SIK3: variants seen among roughly 807,000 people sequenced by gnomAD.
SIK3 encodes SIK family kinase 3.
A neutral mutation model predicts 144.2 loss-of-function variants in SIK3; 28 were observed. That is an observed-to-expected ratio of 0.19 (90% CI 0.14 to 0.27). SIK3 has a LOEUF of 0.27. Ranked by LOEUF, SIK3 falls within the 10% of genes least tolerant of loss-of-function variation. SIK3 has a pLI of 1.00. For missense variants in SIK3, 1,319 were observed against 1,776.0 expected (o/e 0.74, Z 4.62); for synonymous variants, 686 against 676.3 (o/e 1.01, Z -0.22).
chr11:116,961,408 G>A (rs960153640), intron 1 of SIK3, among the ~76,000 whole-genome samples: 8 of 152,194 alleles, frequency 5.3e-5, no homozygotes, highest in African/African-American at 1.9e-4. Context: ...AGGTATGATT[G>A]TTTTGAGAAT....
At chr11:116,906,010 A>C (rs914508540) in intron 4 of SIK3, among the ~76,000 whole-genome samples, 1 of 152,174 alleles carries the variant, frequency 6.6e-6, no homozygotes, top group Admixed American at 6.5e-5. Flanking sequence ...TTTTGGTGTG[A>C]ATATAAAGGT....
At chr11:117,087,899 A>G (rs1955083732) in intron 1 of SIK3, among the ~76,000 whole-genome samples, 1 of 152,194 alleles carries the variant, frequency 6.6e-6, no homozygotes, top group South Asian at 2.1e-4. Flanking sequence ...AAATTATAAA[A>G]AAGATTCAAA....
rs2134250129 is a variant in SIK3 at position 116,844,660 on chromosome 11, A to ATATATATTATAT, written c.*982_*983insATATAATATATA. 1 of 96,168 alleles carries ATATATATTATAT rather than the reference A, an allele frequency of 1.0e-5. No individual in the cohort carries two copies. Among genetic ancestry groups the ATATATATTATAT allele is most frequent in the Non-Finnish European group, 1.8e-5 (1 of 54,510 alleles). 6.0% of individuals were successfully genotyped at this position (96,168 alleles called of 1,614,324 possible). ...TTATATTATATATTATATATATAAT[A>ATATATATTATAT]TATATATACACATATATTATATTAT... On this transcript the variant is annotated 3_prime_UTR_variant, in exon 25 of 25. Transcript: ENST00000445177.
chr11:117,081,456 T>C (rs1954782618), intron 1 of SIK3, among the ~76,000 whole-genome samples: 1 of 152,166 alleles, frequency 6.6e-6, no homozygotes, highest in African/African-American at 2.4e-5. Context: ...ACCCCGTCTC[T>C]ACTAAAAATT....
At chr11:116,982,943 C>CAA (rs35698580) in intron 1 of SIK3, among the ~76,000 whole-genome samples, 1,203 of 69,786 alleles carry the variant, frequency 0.017, 135 homozygotes, top group African/African-American at 0.026. Flanking sequence ...GACTCCGTCT[C>CAA]AAAAAAAAAA....
At chr11:116,904,909 C>T (rs1189262985) in intron 4 of SIK3, 1 of 167,102 alleles carries the variant, frequency 6.0e-6, no homozygotes, top group Non-Finnish European at 1.5e-5. Flanking sequence ...ATATCCCATA[C>T]AATTCACGCA....
At chr11:116,982,796 T>G (rs1467402931) in intron 1 of SIK3, among the ~76,000 whole-genome samples, 2 of 151,236 alleles carry the variant, frequency 1.3e-5, no homozygotes, top group African/African-American at 4.9e-5. Flanking sequence ...ATGCAAAAAT[T>G]AGCTGAGCAT....
intron 1 of SIK3, among the ~76,000 whole-genome samples, chr11:116,982,102 C>T (rs1025284693): frequency 2.0e-5 from 3 of 152,062 alleles, no homozygotes; most frequent in African/African-American, 7.2e-5. Context: ...TCTTGGACAT[C>T]TTTTTTCTAC....
At chr11:116,908,508 A>G (rs1946171933) in intron 4 of SIK3, among the ~76,000 whole-genome samples, 1 of 152,118 alleles carries the variant, frequency 6.6e-6, no homozygotes. Flanking sequence ...AATCATCAAA[A>G]AACAAAAAAC....
chr11:117,009,946 A>G (rs1435531539), intron 1 of SIK3, among the ~76,000 whole-genome samples: 2 of 152,204 alleles, frequency 1.3e-5, no homozygotes, highest in Non-Finnish European at 2.9e-5. Flanking sequence ...CAAAGCCTAC[A>G]TTTTGAAGAT....
At chr11:117,036,063 G>T in intron 1 of SIK3, 7 of 1,051,212 alleles carry the variant, frequency 6.7e-6, no homozygotes, top group Admixed American at 2.3e-5. Flanking sequence ...TTCTCGTGTG[G>T]GTAGGTCATC....
In SIK3 at chr11:116,956,984, C is replaced by T; in HGVS notation, c.354G>A (p.Lys118=). ...KKIFREVQIM[K]MLCHPHIIRL... is the part of the protein sequence containing the mutation. ...TGATGATATGGGGGTGGCAAAGCAT[C>T]TTCATAATTTGAACTTCCCGGAAAA... The change falls in exon 2 of 25, where the codon AAG becomes AAA. Residue 118 remains lysine (K), a synonymous_variant. Coordinates refer to ENST00000445177, the MANE Select transcript of SIK3 (RefSeq NM_001366686.3). 1 of 1,610,228 alleles carries T rather than the reference C, an allele frequency of 6.2e-7. No individual in the cohort carries two copies.
chr11:117,000,310 G>A (rs1342443000), intron 1 of SIK3, among the ~76,000 whole-genome samples: 1 of 152,150 alleles, frequency 6.6e-6, no homozygotes, highest in African/African-American at 2.4e-5. Flanking sequence ...GATGTGCACA[G>A]GAGACTTGAC....
At chr11:116,961,556 G>A (rs1421269399) in intron 1 of SIK3, among the ~76,000 whole-genome samples, 1 of 152,122 alleles carries the variant, frequency 6.6e-6, no homozygotes, top group East Asian at 1.9e-4. Context: ...AGTAGGTAAA[G>A]AAAAGATAAA....
At chr11:116,860,125 A>G (rs1051415840) in intron 19 of SIK3, among the ~76,000 whole-genome samples, 3 of 152,158 alleles carry the variant, frequency 2.0e-5, no homozygotes, top group African/African-American at 7.2e-5. Flanking sequence ...GGCGCCTGTA[A>G]TCCCAGCTAC....
intron 8 of SIK3, 22 bp from the exon 9 acceptor site, chr11:116,876,031 G>A: frequency 1.9e-6 from 3 of 1,613,102 alleles, no homozygotes; most frequent in Non-Finnish European, 2.5e-6. Context: ...GAAGGGAAAA[G>A]AGTACAAAAC....
At chr11:116,891,208 T>C (rs1301842819) in intron 6 of SIK3, among the ~76,000 whole-genome samples, 2 of 152,160 alleles carry the variant, frequency 1.3e-5, no homozygotes, top group African/African-American at 2.4e-5. Context: ...TCCCAGCTAC[T>C]TGGGAGGCTG....
rs1166335393 is a variant in SIK3, at chr11:116,843,948, T to C, written c.*1695A>G. 1.3e-5 allele frequency: 2 copies of C among 152,108 alleles called. No individual in the cohort carries two copies. The highest frequency in any genetic ancestry group is 2.9e-5 in the Non-Finnish European group (2 of 68,030). 9.4% of individuals were successfully genotyped at this position (152,108 alleles called of 1,614,324 possible). ...TATCAGTGGAGAAGGACAAGGTGCA[T>C]GGGGATCCCGCCAGCAACATCAGGA... On this transcript the variant is annotated 3_prime_UTR_variant, in exon 25 of 25. Coordinates refer to ENST00000445177, the MANE Select transcript of SIK3 (RefSeq NM_001366686.3).
At chr11:117,011,859 C>A (rs189213502) in intron 1 of SIK3, among the ~76,000 whole-genome samples, 1 of 152,040 alleles carries the variant, frequency 6.6e-6, no homozygotes, top group South Asian at 2.1e-4. Context: ...GTAGTCCCAA[C>A]GACTGTGGCA....
Sources: gnomAD v4.1 joint callset for allele counts (sites outside exome capture counted in the v4.1 genomes callset) on GRCh38, gnomAD v4.1.1 for gene constraint, MANE v1.5 for transcripts, NCBI Gene and HGNC (gene_info 2026-07-23, HGNC 2026-07-21) for gene names.